LRP1B: variants seen among roughly 807,000 people sequenced by gnomAD.
LRP1B encodes LDL receptor related protein 1B.
A neutral mutation model predicts 556.6 loss-of-function variants in LRP1B; 217 were observed. The observed-to-expected ratio is 0.39, with a 90% CI of 0.35 to 0.44. The LOEUF (loss-of-function observed/expected upper bound fraction) is 0.44. Among genes scored for constraint, LRP1B ranks in the 20% least tolerant of loss-of-function variants. The probability of loss-of-function intolerance (pLI) is 1.00; values close to 1 mark genes in which losing one functional copy is unlikely to be tolerated. For missense variants in LRP1B, 5,053 were observed against 5,620.8 expected, an observed-to-expected ratio of 0.90 and a Z score of 3.23; for synonymous variants, 2,047 against 1,865.8, an observed-to-expected ratio of 1.10 and a Z score of -2.50.
At chr2:140,957,338 T>A (rs1257454096) in intron 18 of LRP1B, among the ~76,000 whole-genome samples, 2 of 151,636 alleles carry the variant, frequency 1.3e-5, no homozygotes, top group Admixed American at 6.6e-5. Flanking sequence ...ATACAATGTT[T>A]GAGAAAATGA....
intron 14 of LRP1B, among the ~76,000 whole-genome samples, chr2:141,012,988 T>C (rs1697799302): frequency 6.6e-6 from 1 of 151,372 alleles, no homozygotes; most frequent in Non-Finnish European, 1.5e-5. Flanking sequence ...CTAATGAGTA[T>C]TAATAACTTA....
chr2:141,629,214 T>C (rs1688817026), intron 2 of LRP1B, among the ~76,000 whole-genome samples: 1 of 152,188 alleles, frequency 6.6e-6, no homozygotes, highest in South Asian at 2.1e-4. Context: ...ACCATCCACT[T>C]ACTATAGTAG....
intron 6 of LRP1B, among the ~76,000 whole-genome samples, chr2:141,189,699 T>G (rs1490201987): frequency 6.6e-6 from 1 of 152,014 alleles, no homozygotes; most frequent in Non-Finnish European, 1.5e-5. Context: ...CTAGCCAAAT[T>G]TAACAAGTGA....
chr2:141,693,683 C>T (rs936246636), intron 2 of LRP1B, among the ~76,000 whole-genome samples: 6 of 151,998 alleles, frequency 3.9e-5, no homozygotes, highest in Admixed American at 3.9e-4. Context: ...ACAGACAGAT[C>T]ATTTGTTTAT....
chr2:141,202,975 G>A (rs762983490), intron 6 of LRP1B, among the ~76,000 whole-genome samples: 55 of 151,862 alleles, frequency 3.6e-4, no homozygotes, highest in African/African-American at 9.2e-4. Flanking sequence ...GAGAACATGC[G>A]ATACTTGGTT....
rs556877245 is a variant in LRP1B at position 140,327,519 on chromosome 2, C to T, written c.12224-1641G>A. ...CATGTAGAATTATGAGTAATATGAA[C>T]CACAAATTACCCAGTTTTTTGCTGC... On this transcript the variant is annotated intron_variant, in intron 79 of 90. Coordinates refer to ENST00000389484, the MANE Select transcript of LRP1B (RefSeq NM_018557.3). Among the ~76,000 whole-genome samples, 36 of 152,054 alleles carry T rather than the reference C, an allele frequency of 2.4e-4. 1 individual carries two copies. The East Asian group carries it at 6.8e-3, about 29-fold the overall frequency.
chr2:141,955,603 C>T (rs1215898372), intron 1 of LRP1B, among the ~76,000 whole-genome samples: 1 of 152,036 alleles, frequency 6.6e-6, no homozygotes, highest in Non-Finnish European at 1.5e-5. Flanking sequence ...CCTGGCTGCT[C>T]ACTGGCCAGT....
intron 27 of LRP1B, among the ~76,000 whole-genome samples, chr2:140,862,347 G>A (rs1056977512): frequency 6.6e-6 from 1 of 152,138 alleles, no homozygotes; most frequent in African/African-American, 2.4e-5. Context: ...CAGAAATTAA[G>A]TTTTATTGGC....
intron 3 of LRP1B, among the ~76,000 whole-genome samples, chr2:141,392,058 T>C (rs78506180): frequency 0.014 from 2,080 of 152,254 alleles, 27 homozygotes; most frequent in Non-Finnish European, 0.019. Flanking sequence ...TGTTTGATGC[T>C]ATGTAAAAAT....
intron 86 of LRP1B, among the ~76,000 whole-genome samples, chr2:140,249,708 T>C (rs1179309141): frequency 6.6e-6 from 1 of 151,838 alleles, no homozygotes; most frequent in Non-Finnish European, 1.5e-5. Flanking sequence ...ACATCTCTTT[T>C]GAGTTATTAA....
intron 3 of LRP1B, among the ~76,000 whole-genome samples, chr2:141,466,625 T>C (rs1682212553): frequency 6.6e-6 from 1 of 152,046 alleles, no homozygotes; most frequent in South Asian, 2.1e-4. Flanking sequence ...TAGGGATAAT[T>C]TGGTCTTCTT....
At chr2:141,125,140 C>A (rs11679458) in intron 7 of LRP1B, among the ~76,000 whole-genome samples, 73,694 of 151,976 alleles carry the variant, frequency 0.48, 18,099 homozygotes, top group Middle Eastern at 0.55. Flanking sequence ...CCATATATAA[C>A]ATTTGGATAC....
chr2:140,528,761 G>T (rs1036101203), intron 47 of LRP1B, among the ~76,000 whole-genome samples: 8 of 151,814 alleles, frequency 5.3e-5, no homozygotes, highest in Admixed American at 5.3e-4. Flanking sequence ...AGGCAAGGAA[G>T]GAGAATCCTG....
At chr2:142,128,190 T>C (rs367834056) in intron 1 of LRP1B, among the ~76,000 whole-genome samples, 59 of 152,162 alleles carry the variant, frequency 3.9e-4, no homozygotes, top group African/African-American at 1.2e-3. Flanking sequence ...TAATACAATG[T>C]TTGAACTTAT....
At chr2:140,689,995 C>A (rs973850869) in intron 41 of LRP1B, among the ~76,000 whole-genome samples, 2 of 151,802 alleles carry the variant, frequency 1.3e-5, no homozygotes, top group African/African-American at 4.8e-5. Context: ...ACTTTCCATC[C>A]CAAAATATAC....
At chr2:141,746,529 AGGGGT>A (rs1270563163) in intron 2 of LRP1B, among the ~76,000 whole-genome samples, 1 of 152,044 alleles carries the variant, frequency 6.6e-6, no homozygotes, top group Non-Finnish European at 1.5e-5. Context: ...GAGATGGGAG[AGGGGT>A]GGCATCCTCA....
chr2:141,009,357 C>T (rs1429144250), intron 14 of LRP1B, among the ~76,000 whole-genome samples: 1 of 151,854 alleles, frequency 6.6e-6, no homozygotes, highest in African/African-American at 2.4e-5. Context: ...TGACTTTGAA[C>T]GATGTCAGTC....
intron 31 of LRP1B, 31 bp downstream of exon 31, chr2:140,839,960 A>T (rs1479249203): frequency 7.3e-7 from 1 of 1,372,042 alleles, no homozygotes; most frequent in Non-Finnish European, 1.0e-6. Flanking sequence ...GTCACATTGA[A>T]AACTTGGTGA....
intron 3 of LRP1B, among the ~76,000 whole-genome samples, chr2:141,467,846 G>GGC: frequency 1.9e-5 from 1 of 53,152 alleles, no homozygotes; most frequent in African/African-American, 4.7e-5. Flanking sequence ...GACCGGGGGG[G>GGC]GGGGAATTCC....
Sources: gnomAD v4.1 joint callset for allele counts (sites outside exome capture counted in the v4.1 genomes callset) on GRCh38, gnomAD v4.1.1 for gene constraint, MANE v1.5 for transcripts, NCBI Gene and HGNC (gene_info 2026-07-23, HGNC 2026-07-21) for gene names.